The following TDRD9 variants were observed in gnomAD, a reference collection of about 807,000 sequenced individuals.
The protein encoded by TDRD9 is tudor domain containing 9.
Under a neutral mutation model 172.6 loss-of-function variants are expected in TDRD9, and 124 were observed. The observed-to-expected ratio is 0.72, with a 90% CI of 0.62 to 0.83. TDRD9 has a LOEUF of 0.83. Ranked by LOEUF, TDRD9 falls within the 40% of genes least tolerant of loss-of-function variation. TDRD9 has a pLI of 0.00. For synonymous variants in TDRD9, 619 were observed against 617.1 expected, an observed-to-expected ratio of 1.00 and a Z score of -0.05; for missense variants, 1,479 against 1,714.1, an observed-to-expected ratio of 0.86 and a Z score of 2.42.
chr14:104,010,138 G>C (rs191366261), intron 20 of TDRD9, among the ~76,000 whole-genome samples: 6 of 151,948 alleles, frequency 3.9e-5, no homozygotes, highest in African/African-American at 1.4e-4. Context: ...GTAGAGACAG[G>C]GTTTCACCAT....
At chr14:103,973,549 A>G (rs2152162645) in intron 6 of TDRD9, among the ~76,000 whole-genome samples, 1 of 152,312 alleles carries the variant, frequency 6.6e-6, no homozygotes, top group South Asian at 2.1e-4. Flanking sequence ...TTTGGAGAAG[A>G]GGCAGAGGGC....
rs1218338022 is a variant in TDRD9 at position 103,977,599 on chromosome 14, G to A, written c.1011+2046G>A. ...CTTGTCAGATGAATAGTTTGCAAAT[G>A]TTTCCCCCCATTCACTCAGTTGATT... is the stretch of plus-strand genomic sequence containing the variant. On this transcript the variant is annotated intron_variant, in intron 7 of 35. Coordinates refer to ENST00000409874, the MANE Select transcript of TDRD9 (RefSeq NM_153046.3). Among the ~76,000 whole-genome samples the A allele has an allele frequency of 4.3e-5, 6 of 138,686 alleles. No homozygotes were observed. In the Admixed American group the frequency reaches 4.3e-4, roughly 10 times the overall value. 91.0% of individuals were successfully genotyped at this position (138,686 alleles called of 152,430 possible). A position where few individuals can be genotyped will look rare whatever the true frequency, so the allele number is the denominator to read the frequency against.
Position 104,049,374 on chromosome 14 carries a change from A to G in TDRD9, c.3975-234A>G, listed in dbSNP as rs192316780. On this transcript the variant is annotated intron_variant, in intron 34 of 35. Coordinates refer to ENST00000409874, the MANE Select transcript of TDRD9 (RefSeq NM_153046.3). ...GTGCAGTGCTGGTTGCTAAGGGAACATAGAGACAAGACTAGGTCTTACAGA... is the reference window on the plus strand; with the variant it reads ...GTGCAGTGCTGGTTGCTAAGGGAACGTAGAGACAAGACTAGGTCTTACAGA... 9.6e-5 allele frequency: 30 copies of G among 313,320 alleles called. No homozygotes were observed. In the East Asian group the frequency reaches 1.8e-3, roughly 18 times the overall value. The allele number at this position is 313,320 out of a possible 1,614,324, so 19.4% of individuals were successfully genotyped here. A position where few individuals can be genotyped will look rare whatever the true frequency, so the allele number is the denominator to read the frequency against.
chr14:103,998,859 C>T (rs1241933070), intron 13 of TDRD9, 131 bp downstream of exon 13: 5 of 548,034 alleles, frequency 9.1e-6, no homozygotes, highest in Non-Finnish European at 9.7e-6. Context: ...GTGGCGCGAT[C>T]TCGGTTCACT....
chr14:103,999,956 A>T (rs938314581), intron 13 of TDRD9, among the ~76,000 whole-genome samples: 1 of 152,144 alleles, frequency 6.6e-6, no homozygotes, highest in East Asian at 1.9e-4. Context: ...CTACATTCTT[A>T]ACCTTTTTGT....
intron 5 of TDRD9, among the ~76,000 whole-genome samples, chr14:103,968,194 C>G (rs2032837707): frequency 6.6e-6 from 1 of 152,250 alleles, no homozygotes; most frequent in Non-Finnish European, 1.5e-5. Flanking sequence ...GTTAGCTCCT[C>G]TCTTCGAGAG....
intron 20 of TDRD9, among the ~76,000 whole-genome samples, chr14:104,011,825 C>T (rs2034621298): frequency 6.6e-6 from 1 of 152,006 alleles, no homozygotes; most frequent in Non-Finnish European, 1.5e-5. Context: ...CACTGATTGG[C>T]TAGAAGGACT....
intron 19 of TDRD9, among the ~76,000 whole-genome samples, chr14:104,008,084 T>C (rs1169988969): frequency 6.6e-6 from 1 of 152,192 alleles, no homozygotes. Context: ...TGGCTTAAAG[T>C]CTTTTAAAGG....
chr14:104,022,729 AAAAT>A (rs139166055), intron 24 of TDRD9, among the ~76,000 whole-genome samples: 81,718 of 145,748 alleles, frequency 0.56, 23,325 homozygotes, highest in South Asian at 0.64. Context: ...GCTGTCTTAA[AAAAT>A]AAATAAATAA....
At position 104,052,175 on chromosome 14, in the gene TDRD9, G is replaced by C; in HGVS notation, c.*93G>C. On this transcript the variant is annotated 3_prime_UTR_variant, in exon 36 of 36. Coordinates refer to ENST00000409874, the MANE Select transcript of TDRD9 (RefSeq NM_153046.3). ...CGCAGACTGACTTTCCTCTGTGTCT[G>C]GGTGTTACAGTCTGTGCCCACTGCA... is the stretch of plus-strand genomic sequence containing the variant. 1.2e-6 allele frequency: 1 copy of C among 833,056 alleles called. No homozygotes were observed. The highest frequency in any genetic ancestry group is 1.9e-6 in the Non-Finnish European group (1 of 517,162). The allele number at this position is 833,056 out of a possible 1,614,324, so 51.6% of individuals were successfully genotyped here.
intron 13 of TDRD9, among the ~76,000 whole-genome samples, 192 bp from the exon 14 acceptor site, chr14:104,004,046 T>C (rs981058540): frequency 6.6e-6 from 1 of 152,224 alleles, no homozygotes; most frequent in African/African-American, 2.4e-5. Flanking sequence ...GTCATTCTTA[T>C]TTAGAATAAT....
chr14:103,999,515 A>G (rs896219697), intron 13 of TDRD9, among the ~76,000 whole-genome samples: 2 of 152,250 alleles, frequency 1.3e-5, no homozygotes, highest in African/African-American at 2.4e-5. Flanking sequence ...GGATGCTTCA[A>G]CTACAGTGGA....
chr14:104,027,832 A>G (rs1335604921), intron 28 of TDRD9, among the ~76,000 whole-genome samples: 1 of 152,108 alleles, frequency 6.6e-6, no homozygotes, highest in Non-Finnish European at 1.5e-5. Context: ...TTGTTAACCA[A>G]CTTCTCTCTA....
chr14:103,994,542 C>G lies in TDRD9; in HGVS notation c.1259C>G (p.Ser420Ter). Residue 420 changes from serine to a stop codon, truncating the protein, a stop_gained, in exon 11 of 36, where the codon TCA (serine) becomes TGA (stop). Transcript: ENST00000409874. LOFTEE classifies it high-confidence loss of function. ...AGGTTGCAGGTCTATCCACTCCATTCAAGTGTGGCTTTAGAAGAACAGAAT... is the reference window on the plus strand; with the variant it reads ...AGGTTGCAGGTCTATCCACTCCATTGAAGTGTGGCTTTAGAAGAACAGAAT... ...HKRLQVYPLH[S>*]SVALEEQNNV... 1 of 1,613,890 alleles carries G rather than the reference C, an allele frequency of 6.2e-7. No individual in the cohort carries two copies. The highest frequency in any genetic ancestry group is 8.5e-7 in the Non-Finnish European group (1 of 1,179,830).
In TDRD9 at chr14:103,952,206, A is replaced by G. The variant is rs867758045; in HGVS notation, c.216-3458A>G. 6.7e-4 allele frequency among the ~76,000 whole-genome samples: 52 copies of G among 77,128 alleles called. 1 individual carries two copies. Among genetic ancestry groups the G allele is most frequent in the Middle Eastern group, 5.4e-3 (1 of 184 alleles). The allele number at this position is 77,128 out of a possible 152,430, so 50.6% of individuals were successfully genotyped here. ...CGTGTGTGTGTATATATATATATAT[A>G]TATATATATATATATTTTTTTTTTT... On this transcript the variant is annotated intron_variant, in intron 1 of 35. Coordinates refer to ENST00000409874, the MANE Select transcript of TDRD9 (RefSeq NM_153046.3).
At chr14:104,010,732 G>T (rs1406602705) in intron 20 of TDRD9, among the ~76,000 whole-genome samples, 1 of 152,090 alleles carries the variant, frequency 6.6e-6, no homozygotes, top group Non-Finnish European at 1.5e-5. Context: ...GTATTCACTG[G>T]AGGGTTGGTT....
chr14:103,990,375 A>T (rs974487756), intron 8 of TDRD9, among the ~76,000 whole-genome samples: 2 of 152,166 alleles, frequency 1.3e-5, no homozygotes, highest in Admixed American at 1.3e-4. Flanking sequence ...TCTCCTTTGT[A>T]GTGACTGTTC....
chr14:103,964,983 G>A (rs557359955), intron 3 of TDRD9, among the ~76,000 whole-genome samples: 5 of 152,016 alleles, frequency 3.3e-5, no homozygotes, highest in Admixed American at 6.6e-5. Flanking sequence ...TGAGGCAGGC[G>A]GATCACTTGA....
chr14:103,954,594 C>T lies in TDRD9; in HGVS notation c.216-1070C>T, dbSNP rs548268662. ...TGAGGAAAAGTTGGATTGTAGGAGA[C>T]GTGTGTTTTAAGTTTTGGTTAGTTT... On this transcript the variant is annotated intron_variant, in intron 1 of 35. Coordinates refer to ENST00000409874, the MANE Select transcript of TDRD9 (RefSeq NM_153046.3). 4.6e-5 allele frequency among the ~76,000 whole-genome samples: 7 copies of T among 152,212 alleles called. No individual in the cohort carries two copies. The East Asian group carries it at 7.7e-4, about 17-fold the overall frequency.
Sources: gnomAD v4.1 joint callset for allele counts (sites outside exome capture counted in the v4.1 genomes callset) on GRCh38, gnomAD v4.1.1 for gene constraint, MANE v1.5 for transcripts, NCBI Gene and HGNC (gene_info 2026-07-23, HGNC 2026-07-21) for gene names.